DPP4: variants seen among roughly 807,000 people sequenced by gnomAD.
DPP4 encodes the protein dipeptidyl peptidase 4.
Under a neutral mutation model 122.4 loss-of-function variants are expected in DPP4, and 93 were observed. That is an observed-to-expected ratio of 0.76 (90% CI 0.64 to 0.90). The LOEUF is 0.90. DPP4 is among the 40% of genes least tolerant of loss of function. DPP4 has a pLI of 0.00. For missense variants in DPP4, 914 were observed against 907.3 expected (o/e 1.01, Z -0.09); for synonymous variants, 321 against 302.9 (o/e 1.06, Z -0.62).
At position 162,053,900 on chromosome 2, in the gene DPP4, G is replaced by A. The variant is rs572868417; in HGVS notation, c.95-6399C>T. Among the ~76,000 whole-genome samples, 3 of 152,322 alleles carry A rather than the reference G, an allele frequency of 2.0e-5. No homozygotes were observed. The East Asian group carries it at 5.8e-4, about 29-fold the overall frequency. ...AGGGCAATGCTTAATGGAACTGCGG[G>A]GCAAGGCTACCCTTGAGGCCCCACA... On this transcript the variant is annotated intron_variant, in intron 2 of 25. Transcript: ENST00000360534.
chr2:162,054,750 A>G (rs1396349477), intron 2 of DPP4, among the ~76,000 whole-genome samples: 1 of 152,180 alleles, frequency 6.6e-6, no homozygotes, highest in Non-Finnish European at 1.5e-5. Context: ...AATTGTGAGA[A>G]AATAAGTTTC....
rs17848917 is a variant in DPP4, at chr2:162,045,162, C to T, written c.366+370G>A. Among the ~76,000 whole-genome samples, 14 of 152,094 alleles carry T rather than the reference C, an allele frequency of 9.2e-5. No homozygotes were observed. The East Asian group carries it at 1.9e-3, about 21-fold the overall frequency. ...TTAAAAACACATATCTATGGAGGCTCTTACTATACATAAAGCTGTGACAAA... is the reference window on the plus strand; with the variant it reads ...TTAAAAACACATATCTATGGAGGCTTTTACTATACATAAAGCTGTGACAAA... On this transcript the variant is annotated intron_variant, in intron 5 of 25. Coordinates refer to ENST00000360534, the MANE Select transcript of DPP4 (RefSeq NM_001935.4).
At chr2:162,047,618 C>G in intron 2 of DPP4, 117 bp from the exon 3 acceptor site, 1 of 588,716 alleles carries the variant, frequency 1.7e-6, no homozygotes, top group Non-Finnish European at 2.8e-6. Context: ...CAGAAATATA[C>G]TCACAAAATG....
chr2:162,038,448 A>C (rs773256423), intron 7 of DPP4, 26 bp from the exon 8 acceptor site: 2 of 1,586,496 alleles, frequency 1.3e-6, no homozygotes, highest in African/African-American at 2.7e-5. Flanking sequence ...ACAAGCATTG[A>C]TATCTATAAT....
chr2:162,073,394 C>T lies in DPP4; in HGVS notation c.94+5G>A, dbSNP rs780989608. ...TCCTATCTTTTTCAAATGTTTCAAACTTACTGCCTTTGTTCAGCAGAACCA... is the reference window on the plus strand; with the variant it reads ...TCCTATCTTTTTCAAATGTTTCAAATTTACTGCCTTTGTTCAGCAGAACCA... On this transcript the variant is annotated splice_donor_5th_base_variant and intron_variant, in intron 2 of 25. Coordinates refer to ENST00000360534, the MANE Select transcript of DPP4 (RefSeq NM_001935.4). The T allele has an allele frequency of 1.2e-6, 2 of 1,613,970 alleles. No individual in the cohort carries two copies. The highest frequency in any genetic ancestry group is 1.7e-6 in the Non-Finnish European group (2 of 1,179,986).
intron 25 of DPP4, 77 bp downstream of exon 25, chr2:161,994,884 C>A: frequency 7.1e-7 from 1 of 1,411,938 alleles, no homozygotes; most frequent in Non-Finnish European, 1.0e-6. Flanking sequence ...TGTGGCACTG[C>A]TAAAAGAATT....
At chr2:162,070,168 G>A (rs1685067960) in intron 2 of DPP4, among the ~76,000 whole-genome samples, 1 of 151,852 alleles carries the variant, frequency 6.6e-6, no homozygotes, top group Non-Finnish European at 1.5e-5. Flanking sequence ...TCCTATAGTA[G>A]GATGATTGAA....
intron 2 of DPP4, among the ~76,000 whole-genome samples, chr2:162,056,020 A>G (rs1463129718): frequency 1.3e-5 from 2 of 152,042 alleles, no homozygotes; most frequent in African/African-American, 2.4e-5. Flanking sequence ...TCTTCCTGGA[A>G]TGTTCTTCCC....
chr2:162,057,929 C>T (rs1684633108), intron 2 of DPP4, among the ~76,000 whole-genome samples: 3 of 152,148 alleles, frequency 2.0e-5, no homozygotes, highest in South Asian at 2.1e-4. Flanking sequence ...TGTGCCACCA[C>T]ACCCAGCTAA....
chr2:162,040,015 A>G lies in DPP4; in HGVS notation c.367-831T>C, dbSNP rs1482413845. Among the ~76,000 whole-genome samples, 3 of 152,232 alleles carry G rather than the reference A, an allele frequency of 2.0e-5. No individual in the cohort carries two copies. In the East Asian group the frequency reaches 5.8e-4, roughly 29 times the overall value. On this transcript the variant is annotated intron_variant, in intron 5 of 25. Coordinates refer to ENST00000360534, the MANE Select transcript of DPP4 (RefSeq NM_001935.4). ...AGATGTTAAAAGATCATAAGAGGCTATTATAAACATTTTTTTGCCAATACA... is the reference window on the plus strand; with the variant it reads ...AGATGTTAAAAGATCATAAGAGGCTGTTATAAACATTTTTTTGCCAATACA...
Position 162,028,065 on chromosome 2 carries a change from A to C in DPP4, c.888-3126T>G, listed in dbSNP as rs568468522. ...GATGTCAAAGAATCATTTAAAAAAA[A>C]AAAAAACAAAAAACTGCCAGGTGCA... is the stretch of plus-strand genomic sequence containing the variant. On this transcript the variant is annotated intron_variant, in intron 10 of 25. Coordinates refer to ENST00000360534, the MANE Select transcript of DPP4 (RefSeq NM_001935.4). Among the ~76,000 whole-genome samples the C allele has an allele frequency of 1.4e-3, 214 of 151,988 alleles. 1 individual carries two copies. The highest frequency in any genetic ancestry group is 2.2e-3 in the African/African-American group (90 of 41,452).
intron 10 of DPP4, among the ~76,000 whole-genome samples, chr2:162,030,341 CAG>C (rs570123991): frequency 6.6e-6 from 1 of 152,228 alleles, no homozygotes; most frequent in Non-Finnish European, 1.5e-5. Flanking sequence ...TCTCACTTAT[CAG>C]AGAAGCAGGG....
Position 162,019,290 on chromosome 2 carries a change from A to C in DPP4, c.1245-14T>G, listed in dbSNP as rs1683036306. On this transcript the variant is annotated splice_polypyrimidine_tract_variant and intron_variant, in intron 14 of 25. Transcript: ENST00000360534. Reference sequence around the variant, plus strand: ...CTAATGTAGTATCTAGGAAGAGAAAAAAATGAAATATATATTAATTATGTT... The same window carrying C: ...CTAATGTAGTATCTAGGAAGAGAAACAAATGAAATATATATTAATTATGTT... 4 of 1,453,018 alleles carry C rather than the reference A, an allele frequency of 2.8e-6. No homozygotes were observed. In the East Asian group the frequency reaches 9.2e-5, roughly 33 times the overall value. The allele number at this position is 1,453,018 out of a possible 1,614,324, so 90.0% of individuals were successfully genotyped here. A position where few individuals can be genotyped will look rare whatever the true frequency, so the allele number is the denominator to read the frequency against.
At position 162,068,824 on chromosome 2, in the gene DPP4, C is replaced by T. The variant is rs112510550; in HGVS notation, c.94+4575G>A. ...GGAATGAAGGCATCCACAGTAGGCT[C>T]TTCTTCAGAATGCTTACGACACAGA... On this transcript the variant is annotated intron_variant, in intron 2 of 25. Coordinates refer to ENST00000360534, the MANE Select transcript of DPP4 (RefSeq NM_001935.4). Among the ~76,000 whole-genome samples the T allele has an allele frequency of 1.8e-3, 267 of 152,266 alleles. 1 individual carries two copies. Among genetic ancestry groups the T allele is most frequent in the African/African-American group, 6.2e-3 (258 of 41,546 alleles).
At position 161,993,481 on chromosome 2, in the gene DPP4, G is replaced by A. The variant is rs1700916090; in HGVS notation, c.2200-97C>T. On this transcript the variant is annotated intron_variant, in intron 25 of 25. Coordinates refer to ENST00000360534, the MANE Select transcript of DPP4 (RefSeq NM_001935.4). ...CAAATGAGCTCTCACGAGCATACAT[G>A]GTATAAAACAGAGTGTTTTAATTCC... 3 of 813,376 alleles carry A rather than the reference G, an allele frequency of 3.7e-6. No homozygotes were observed. In the East Asian group the frequency reaches 7.5e-5, roughly 20 times the overall value. The allele number at this position is 813,376 out of a possible 1,614,324, so 50.4% of individuals were successfully genotyped here.
chr2:162,069,814 T>G (rs930620823), intron 2 of DPP4, among the ~76,000 whole-genome samples: 24 of 152,222 alleles, frequency 1.6e-4, no homozygotes. Context: ...CCTTCACATT[T>G]GGGTTTTCTC....
At chr2:162,024,974 A>G (rs1490619858) in intron 10 of DPP4, 35 bp from the exon 11 acceptor site, 2 of 1,606,754 alleles carry the variant, frequency 1.2e-6, no homozygotes, top group Middle Eastern at 1.7e-4. Flanking sequence ...ACAGAGAGAG[A>G]GAATGAACAT....
Position 162,032,706 on chromosome 2 carries a change from C to CAA in DPP4, c.887+833_887+834dup, listed in dbSNP as rs1039843941. Among the ~76,000 whole-genome samples, 3 of 122,042 alleles carry CAA rather than the reference C, an allele frequency of 2.5e-5. 1 individual carries two copies. The highest frequency in any genetic ancestry group is 9.5e-5 in the African/African-American group (3 of 31,572). The allele number at this position is 122,042 out of a possible 152,430, so 80.1% of individuals were successfully genotyped here. The stretch of plus-strand genomic sequence containing the variant: ...AAAAACAAACAAACAACAACAACAA[C>CAA]AACAAAAAAAAAAACAGCAACAAAA... On this transcript the variant is annotated intron_variant, in intron 10 of 25. Transcript: ENST00000360534.
chr2:162,032,833 G>T (rs1210131593), intron 10 of DPP4, among the ~76,000 whole-genome samples: 3 of 152,190 alleles, frequency 2.0e-5, no homozygotes, highest in African/African-American at 7.2e-5. Context: ...AGGGGCTGAA[G>T]GTGCTCCATG....
Sources: gnomAD v4.1 joint callset for allele counts (sites outside exome capture counted in the v4.1 genomes callset) on GRCh38, gnomAD v4.1.1 for gene constraint, MANE v1.5 for transcripts, NCBI Gene and HGNC (gene_info 2026-07-23, HGNC 2026-07-21) for gene names.